The following HNF4G variants were observed in gnomAD, a reference collection of about 807,000 sequenced individuals.
HNF4G encodes the protein hepatocyte nuclear factor 4-gamma.
HNF4G carries 21 observed loss-of-function variants against 50.9 expected under a neutral mutation model. That is an observed-to-expected ratio of 0.41 (90% confidence interval 0.29 to 0.59). The LOEUF is 0.59. Among genes scored for constraint, HNF4G ranks in the 20% least tolerant of loss-of-function variants. The probability of loss-of-function intolerance (pLI) is 0.26; values close to 1 mark genes in which losing one functional copy is unlikely to be tolerated. For missense variants in HNF4G, 527 were observed against 559.4 expected, an observed-to-expected ratio of 0.94 and a Z score of 0.58; for synonymous variants, 198 against 185.6, an observed-to-expected ratio of 1.07 and a Z score of -0.54.
At position 75,551,646 on chromosome 8, in the gene HNF4G, A is replaced by T. The variant is rs899291341; in HGVS notation, c.489+152A>T. The T allele has an allele frequency of 5.5e-6, 3 of 546,078 alleles. No homozygotes were observed. The African/African-American group carries it at 5.7e-5, about 10-fold the overall frequency. 33.8% of individuals were successfully genotyped at this position (546,078 alleles called of 1,614,324 possible). ...TTAAGAGTTTTACTTTGAAAGTTTG[A>T]GTGGGACTGCTGACTTAATTTTGAC... is the stretch of plus-strand genomic sequence containing the variant. On this transcript the variant is annotated intron_variant, in intron 4 of 9. Coordinates refer to ENST00000396423, the MANE Select transcript of HNF4G (RefSeq NM_004133.5).
intron 1 of HNF4G, among the ~76,000 whole-genome samples, chr8:75,428,361 TA>T (rs1405648929): frequency 6.6e-6 from 1 of 152,164 alleles, no homozygotes; most frequent in Non-Finnish European, 1.5e-5. Context: ...TGATATATTT[TA>T]AAATTAAAAA....
At chr8:75,532,849 T>C (rs1806365133) in intron 2 of HNF4G, among the ~76,000 whole-genome samples, 1 of 152,082 alleles carries the variant, frequency 6.6e-6, no homozygotes, top group Admixed American at 6.6e-5. Context: ...ATTTGTTCTG[T>C]TGCAGAAGTC....
intron 1 of HNF4G, among the ~76,000 whole-genome samples, chr8:75,416,566 G>C (rs1329130384): frequency 6.6e-6 from 1 of 152,096 alleles, no homozygotes; most frequent in African/African-American, 2.4e-5. Context: ...CCCTTAAAAG[G>C]AAGGTAAAAA....
At chr8:75,454,921 A>T (rs950308610) in intron 1 of HNF4G, among the ~76,000 whole-genome samples, 1 of 152,196 alleles carries the variant, frequency 6.6e-6, no homozygotes, top group Non-Finnish European at 1.5e-5. Flanking sequence ...GAGTTTTATA[A>T]GGAAATGCTT....
At chr8:75,413,632 G>T (rs966327961) in intron 1 of HNF4G, among the ~76,000 whole-genome samples, 3 of 152,004 alleles carry the variant, frequency 2.0e-5, no homozygotes, top group Non-Finnish European at 2.9e-5. Flanking sequence ...ACTTTGGGAG[G>T]CTGAGGCGGG....
At chr8:75,443,385 T>C (rs1712790085) in intron 1 of HNF4G, among the ~76,000 whole-genome samples, 1 of 152,232 alleles carries the variant, frequency 6.6e-6, no homozygotes, top group Non-Finnish European at 1.5e-5. Context: ...ATAACATTAG[T>C]ATTAATAACT....
intron 2 of HNF4G, among the ~76,000 whole-genome samples, chr8:75,508,326 A>G (rs1227108444): frequency 6.6e-6 from 1 of 151,390 alleles, no homozygotes; most frequent in Non-Finnish European, 1.5e-5. Flanking sequence ...CAAATAAAAT[A>G]TGTTTCTGTG....
chr8:75,559,091 G>C (rs1807223695), intron 8 of HNF4G, 54 bp downstream of exon 8: 1 of 1,145,270 alleles, frequency 8.7e-7, no homozygotes, highest in Admixed American at 1.7e-5. Flanking sequence ...CTAAATATAA[G>C]TTTGACCTAC....
chr8:75,552,995 G>A (rs1248892763), intron 4 of HNF4G, 47 bp from the exon 5 acceptor site: 2 of 1,378,444 alleles, frequency 1.5e-6, no homozygotes, highest in African/African-American at 1.5e-5. Context: ...GGGAATGTTG[G>A]CCATCTATTA....
intron 1 of HNF4G, among the ~76,000 whole-genome samples, chr8:75,419,378 A>G (rs1810725811): frequency 6.6e-6 from 1 of 152,196 alleles, no homozygotes; most frequent in Admixed American, 6.5e-5. Flanking sequence ...TTGAATTTAC[A>G]CAAACAATAA....
upstream of HNF4G, among the ~76,000 whole-genome samples, chr8:75,536,162 A>G (rs955489423): frequency 3.3e-5 from 5 of 151,946 alleles, no homozygotes; most frequent in African/African-American, 1.2e-4. Context: ...GAGAACAGAT[A>G]CTGGAAAGCA....
In HNF4G at chr8:75,560,334, T is replaced by A; in HGVS notation, c.1124-10T>A. On this transcript the variant is annotated splice_polypyrimidine_tract_variant and intron_variant, in intron 8 of 9. Coordinates refer to ENST00000396423, the MANE Select transcript of HNF4G (RefSeq NM_004133.5). ...ATATCACTAACACAGCATCTTTTTATCTTTTGTAGGGGCTTCCAATGATGG... is the reference window on the plus strand; with the variant it reads ...ATATCACTAACACAGCATCTTTTTAACTTTTGTAGGGGCTTCCAATGATGG... 1 of 1,612,112 alleles carries A rather than the reference T, an allele frequency of 6.2e-7. No homozygotes were observed. The highest frequency in any genetic ancestry group is 8.5e-7 in the Non-Finnish European group (1 of 1,178,714).
At chr8:75,550,856 A>G (rs1205930673) in intron 3 of HNF4G, among the ~76,000 whole-genome samples, 1 of 152,042 alleles carries the variant, frequency 6.6e-6, no homozygotes, top group African/African-American at 2.4e-5. Context: ...TTGCTTTATT[A>G]ATGTTGGTAA....
intron 2 of HNF4G, among the ~76,000 whole-genome samples, chr8:75,533,377 G>A (rs1161398039): frequency 6.6e-6 from 1 of 151,950 alleles, no homozygotes. Flanking sequence ...ATTCGTGTCT[G>A]ATGCAACTTG....
intron 1 of HNF4G, among the ~76,000 whole-genome samples, chr8:75,473,964 C>A (rs182018017): frequency 2.6e-5 from 4 of 151,736 alleles, no homozygotes; most frequent in Admixed American, 2.0e-4. Flanking sequence ...AAAAACAAAA[C>A]AAAGAAAGCA....
chr8:75,414,675 CAG>C (rs1050171344), intron 1 of HNF4G, among the ~76,000 whole-genome samples: 3 of 152,190 alleles, frequency 2.0e-5, no homozygotes, highest in African/African-American at 7.2e-5. Flanking sequence ...ATATTTCACT[CAG>C]TGTAATTATT....
At chr8:75,534,847 C>A in intron 2 of HNF4G, among the ~76,000 whole-genome samples, 1 of 151,636 alleles carries the variant, frequency 6.6e-6, no homozygotes, top group African/African-American at 2.4e-5. Flanking sequence ...ATATATAAAA[C>A]TGTAAGCAAA....
upstream of HNF4G, among the ~76,000 whole-genome samples, chr8:75,536,664 T>G (rs1806474531): frequency 6.6e-6 from 1 of 152,112 alleles, no homozygotes; most frequent in African/African-American, 2.4e-5. Flanking sequence ...TAATTTCATT[T>G]TTTAATTGTG....
At chr8:75,525,589 G>A (rs991319707) in intron 2 of HNF4G, among the ~76,000 whole-genome samples, 1 of 152,162 alleles carries the variant, frequency 6.6e-6, no homozygotes, top group African/African-American at 2.4e-5. Context: ...AAGCCAGCTA[G>A]CTCCACAGGT....
Sources: gnomAD v4.1 joint callset for allele counts (sites outside exome capture counted in the v4.1 genomes callset) on GRCh38, gnomAD v4.1.1 for gene constraint, MANE v1.5 for transcripts, NCBI Gene and HGNC (gene_info 2026-07-23, HGNC 2026-07-21) for gene names.